ATP6V0D2: variants seen among roughly 807,000 people sequenced by gnomAD.
ATP6V0D2 encodes V-type proton ATPase subunit d 2.
ATP6V0D2 carries 40 observed loss-of-function variants against 40.0 expected under a neutral mutation model. The observed-to-expected ratio is 1.00, with a 90% CI of 0.78 to 1.30. The LOEUF is 1.30. Ranked by LOEUF, ATP6V0D2 falls within the 50% of genes most tolerant of loss-of-function variation. The probability of loss-of-function intolerance (pLI) is 0.00; values close to 1 mark genes in which losing one functional copy is unlikely to be tolerated. For missense variants in ATP6V0D2, 470 were observed against 423.1 expected, an observed-to-expected ratio of 1.11 and a Z score of -0.97; for synonymous variants, 179 against 156.3, an observed-to-expected ratio of 1.15 and a Z score of -1.08.
At chr8:86,141,395 C>A in intron 3 of ATP6V0D2, 55 bp from the exon 4 acceptor site, 3 of 1,375,226 alleles carry the variant, frequency 2.2e-6, no homozygotes, top group Non-Finnish European at 3.1e-6. Flanking sequence ...ACGTTTTCTA[C>A]AGCTTATAAT....
chr8:86,135,178 A>G (rs1818881171), intron 2 of ATP6V0D2, among the ~76,000 whole-genome samples: 1 of 152,172 alleles, frequency 6.6e-6, no homozygotes, highest in Non-Finnish European at 1.5e-5. Context: ...AGCTATTGCT[A>G]ATGACACTGA....
intron 1 of ATP6V0D2, among the ~76,000 whole-genome samples, chr8:86,106,116 T>C (rs1480796638): frequency 1.3e-5 from 2 of 152,106 alleles, no homozygotes; most frequent in African/African-American, 4.8e-5. Flanking sequence ...TGGTGCTTTT[T>C]TTTTTTATTT....
chr8:86,128,101 G>A (rs1004975319), intron 2 of ATP6V0D2, among the ~76,000 whole-genome samples: 1 of 152,190 alleles, frequency 6.6e-6, no homozygotes, highest in Non-Finnish European at 1.5e-5. Context: ...CTGGGCAGTG[G>A]CTCATGCCTG....
chr8:86,120,791 G>A (rs768049536), intron 2 of ATP6V0D2, among the ~76,000 whole-genome samples: 72 of 152,148 alleles, frequency 4.7e-4, no homozygotes, highest in South Asian at 1.2e-3. Context: ...AGTTACAAAG[G>A]TAAGAGACAT....
intron 2 of ATP6V0D2, among the ~76,000 whole-genome samples, chr8:86,136,718 C>G (rs1818902361): frequency 6.6e-6 from 1 of 151,952 alleles, no homozygotes; most frequent in African/African-American, 2.4e-5. Flanking sequence ...TGAAGGAGAC[C>G]CCCTTTTCCA....
chr8:86,150,321 T>C (rs750723726), intron 6 of ATP6V0D2, 33 bp downstream of exon 6: 3 of 1,593,266 alleles, frequency 1.9e-6, no homozygotes, highest in East Asian at 2.3e-5. Flanking sequence ...CTAAGTCCTT[T>C]GTGTTCATTC....
intron 7 of ATP6V0D2, 31 bp downstream of exon 7, chr8:86,151,571 A>G: frequency 6.6e-7 from 1 of 1,517,168 alleles, no homozygotes; most frequent in Non-Finnish European, 9.0e-7. Flanking sequence ...CTATTAGCTT[A>G]TTTTTCTCTT....
chr8:86,126,248 A>ATATATATATATATATATG (rs1214229947), intron 2 of ATP6V0D2, among the ~76,000 whole-genome samples: 2 of 133,336 alleles, frequency 1.5e-5, no homozygotes, highest in African/African-American at 5.2e-5. Context: ...ATATATATAT[A>ATATATATATATATATATG]TATATATATA....
intron 1 of ATP6V0D2, among the ~76,000 whole-genome samples, chr8:86,112,991 C>G (rs954910090): frequency 2.0e-5 from 3 of 152,156 alleles, no homozygotes; most frequent in Admixed American, 2.0e-4. Flanking sequence ...CACCTGCCCC[C>G]ACACCCATGG....
At chr8:86,120,758 C>A (rs1818658769) in intron 2 of ATP6V0D2, among the ~76,000 whole-genome samples, 1 of 152,120 alleles carries the variant, frequency 6.6e-6, no homozygotes, top group South Asian at 2.1e-4. Flanking sequence ...AATGGAGTGT[C>A]AATGAATTAA....
Position 86,150,258 on chromosome 8 carries a change from C to A in ATP6V0D2, c.786C>A (p.Asp262Glu). 1.2e-6 allele frequency: 2 copies of A among 1,613,256 alleles called. No individual in the cohort carries two copies. The highest frequency in any genetic ancestry group is 2.2e-5 in the East Asian group (1 of 44,732). ...TGTTGGCTCAAGCAGAAGACTTTGACCAGATGAAGAACGTAGCGGATCATT... is the reference window on the plus strand; with the variant it reads ...TGTTGGCTCAAGCAGAAGACTTTGAACAGATGAAGAACGTAGCGGATCATT... ...LRLLAQAEDF[D>E]QMKNVADHYG... Residue 262 changes from aspartate to glutamate, a missense_variant, in exon 6 of 8, where the codon GAC (aspartate) becomes GAA (glutamate). Transcript: ENST00000285393.
chr8:86,150,927 C>G (rs551443107), intron 6 of ATP6V0D2, among the ~76,000 whole-genome samples: 1 of 152,190 alleles, frequency 6.6e-6, no homozygotes, highest in Non-Finnish European at 1.5e-5. Flanking sequence ...GCTAGAATGA[C>G]ACTCATCTTT....
chr8:86,142,682 C>T (rs1018345067), intron 4 of ATP6V0D2, among the ~76,000 whole-genome samples, 195 bp from the exon 5 acceptor site: 2 of 152,180 alleles, frequency 1.3e-5, no homozygotes, highest in African/African-American at 2.4e-5. Flanking sequence ...TTGTCCTTTT[C>T]TGGAATTCTT....
intron 2 of ATP6V0D2, among the ~76,000 whole-genome samples, chr8:86,129,539 C>G (rs1195534259): frequency 1.3e-5 from 2 of 151,750 alleles, no homozygotes; most frequent in Non-Finnish European, 2.9e-5. Flanking sequence ...TGGCCGGGCA[C>G]AGTGTTTCAT....
At chr8:86,136,505 G>C (rs1481217814) in intron 2 of ATP6V0D2, among the ~76,000 whole-genome samples, 2 of 151,974 alleles carry the variant, frequency 1.3e-5, no homozygotes, top group Admixed American at 1.3e-4. Context: ...AGCCATAAAG[G>C]GACAGTTAAA....
intron 5 of ATP6V0D2, among the ~76,000 whole-genome samples, chr8:86,149,222 C>T (rs147046319): frequency 8.4e-4 from 127 of 151,986 alleles, no homozygotes; most frequent in African/African-American, 2.9e-3. Flanking sequence ...CCATGGCAAG[C>T]CCCCACAATA....
intron 7 of ATP6V0D2, 78 bp downstream of exon 7, chr8:86,151,618 C>G: frequency 5.4e-6 from 6 of 1,116,324 alleles, no homozygotes; most frequent in Non-Finnish European, 7.8e-6. Context: ...TTTGGGTTTT[C>G]TTTTTACAGC....
chr8:86,147,258 G>A (rs1211389981), intron 5 of ATP6V0D2, among the ~76,000 whole-genome samples: 1 of 152,164 alleles, frequency 6.6e-6, no homozygotes, highest in East Asian at 1.9e-4. Context: ...CTTCCCATGA[G>A]GAACTGGAGA....
chr8:86,142,011 A>G (rs1401857646), intron 4 of ATP6V0D2, among the ~76,000 whole-genome samples: 1 of 152,200 alleles, frequency 6.6e-6, no homozygotes, highest in Non-Finnish European at 1.5e-5. Flanking sequence ...CATCATAGGT[A>G]CCACTTTGCA....
Sources: allele counts gnomAD v4.1 joint callset (sites outside exome capture counted in the v4.1 genomes callset), GRCh38; gene constraint gnomAD v4.1.1; transcripts MANE v1.5; gene names NCBI Gene and HGNC (gene_info 2026-07-23, HGNC 2026-07-21).